Variants in SOX6 observed in about 807,000 individuals in gnomAD.
The protein encoded by SOX6 is transcription factor SOX-6.
SOX6 carries 11 observed loss-of-function variants against 97.8 expected under a neutral mutation model. The ratio of observed to expected loss-of-function variants is 0.11; its 90% CI spans 0.07 to 0.19. SOX6 has a LOEUF of 0.19. Among genes scored for constraint, SOX6 ranks in the 10% least tolerant of loss-of-function variants. The probability of loss-of-function intolerance (pLI) is 1.00; values close to 1 mark genes in which losing one functional copy is unlikely to be tolerated. For missense variants in SOX6, 810 were observed against 1,039.5 expected, an observed-to-expected ratio of 0.78 and a Z score of 3.04; for synonymous variants, 360 against 371.4, an observed-to-expected ratio of 0.97 and a Z score of 0.35.
At chr11:16,271,321 C>A (rs989372771) in intron 3 of SOX6, among the ~76,000 whole-genome samples, 1 of 151,226 alleles carries the variant, frequency 6.6e-6, no homozygotes, top group Non-Finnish European at 1.5e-5. Flanking sequence ...TGAATTTCTG[C>A]AATTTACTTT....
chr11:16,200,045 A>G (rs989904278), intron 4 of SOX6, among the ~76,000 whole-genome samples: 1 of 152,216 alleles, frequency 6.6e-6, no homozygotes, highest in Non-Finnish European at 1.5e-5. Context: ...GCCCAAAGAA[A>G]TGACTGTCCA....
At chr11:16,261,811 A>C in intron 3 of SOX6, among the ~76,000 whole-genome samples, 1 of 152,212 alleles carries the variant, frequency 6.6e-6, no homozygotes, top group East Asian at 1.9e-4. Flanking sequence ...ACCTGTATTC[A>C]TTTTCAACAT....
At chr11:16,457,314 CATGGAAATAGGAA>C (rs940794125) in intron 1 of SOX6, among the ~76,000 whole-genome samples, 8 of 151,986 alleles carry the variant, frequency 5.3e-5, no homozygotes, top group Admixed American at 5.3e-4. Context: ...CCTAATTTGC[CATGGAAATAGGAA>C]ATAAATGTGA....
rs1428295505 is a variant in SOX6, at chr11:16,217,602, T to C, written c.535+16980A>G. Among the ~76,000 whole-genome samples, 6 of 152,160 alleles carry C rather than the reference T, an allele frequency of 3.9e-5. No individual in the cohort carries two copies. The South Asian group carries it at 6.2e-4, about 16-fold the overall frequency. ...ACAATCACACTCCTATAAGTAACCA[T>C]ATAGTTTCTAGCCAACTTTAAAATC... is the stretch of plus-strand genomic sequence containing the variant. On this transcript the variant is annotated intron_variant, in intron 4 of 15. Transcript: ENST00000683767.
At chr11:16,567,743 T>TG (rs1296000643) in intron 4 of SOX6, among the ~76,000 whole-genome samples, 2 of 147,782 alleles carry the variant, frequency 1.4e-5, no homozygotes, top group Admixed American at 6.7e-5. Flanking sequence ...ATTTTTTTTT[T>TG]TTTTTGTATT....
At chr11:16,268,257 C>T (rs1344327724) in intron 3 of SOX6, among the ~76,000 whole-genome samples, 1 of 151,156 alleles carries the variant, frequency 6.6e-6, no homozygotes, top group Non-Finnish European at 1.5e-5. Flanking sequence ...AATCACTCCA[C>T]ATCATTTTCA....
rs1264526120 is a variant in SOX6 at position 16,136,349 on chromosome 11, T to G, written c.778-24426A>C. Among the ~76,000 whole-genome samples the G allele has an allele frequency of 4.7e-5, 7 of 147,820 alleles. No homozygotes were observed. In the East Asian group the frequency reaches 6.1e-4, roughly 13 times the overall value. ...ATGTACATTGTGTGTGTGTGGTTTT[T>G]TTTTTTTTTTTTTTGACATAATGCA... On this transcript the variant is annotated intron_variant, in intron 6 of 15. Transcript: ENST00000683767.
intron 4 of SOX6, among the ~76,000 whole-genome samples, chr11:16,213,714 T>C (rs1590034569): frequency 6.6e-6 from 1 of 152,210 alleles, no homozygotes; most frequent in East Asian, 1.9e-4. Context: ...CACAGGATTT[T>C]AATACATCTT....
chr11:16,272,172 G>C (rs1854278460), intron 3 of SOX6, among the ~76,000 whole-genome samples: 1 of 151,340 alleles, frequency 6.6e-6, no homozygotes. Flanking sequence ...TTGTGTTAAT[G>C]ATCAAAGTTT....
intron 4 of SOX6, among the ~76,000 whole-genome samples, chr11:16,226,038 T>C (rs1236259720): frequency 6.6e-6 from 1 of 152,172 alleles, no homozygotes; most frequent in Non-Finnish European, 1.5e-5. Context: ...TAACCAAACT[T>C]TTCAGACATA....
At chr11:16,095,973 A>G in intron 9 of SOX6, 23 bp downstream of exon 9, 1 of 1,610,132 alleles carries the variant, frequency 6.2e-7, no homozygotes, top group Non-Finnish European at 8.5e-7. Context: ...AACCCAATGA[A>G]GCATCAATGG....
At chr11:16,412,972 A>G (rs1858852486) in intron 1 of SOX6, among the ~76,000 whole-genome samples, 1 of 152,186 alleles carries the variant, frequency 6.6e-6, no homozygotes, top group Non-Finnish European at 1.5e-5. Flanking sequence ...AGGCAGTTCC[A>G]CCTCAACCAC....
intron 13 of SOX6, among the ~76,000 whole-genome samples, chr11:16,005,280 G>T (rs768605309): frequency 6.6e-6 from 1 of 151,682 alleles, no homozygotes; most frequent in South Asian, 2.1e-4. Context: ...GGTTCTCTAC[G>T]ATATAGACGA....
At chr11:16,721,518 C>CTG (rs1848262135) in intron 2 of SOX6, among the ~76,000 whole-genome samples, 1 of 63,626 alleles carries the variant, frequency 1.6e-5, no homozygotes, top group Admixed American at 1.5e-4. Context: ...CTCTCTCTCT[C>CTG]TCTCTCTCTC....
intron 4 of SOX6, among the ~76,000 whole-genome samples, chr11:16,498,896 TCAA>T (rs950744963): frequency 6.6e-6 from 1 of 152,104 alleles, no homozygotes; most frequent in Non-Finnish European, 1.5e-5. Flanking sequence ...ATTAGACAGA[TCAA>T]CGAGACAGAA....
At chr11:16,160,258 G>A (rs1850713804) in intron 6 of SOX6, among the ~76,000 whole-genome samples, 1 of 152,164 alleles carries the variant, frequency 6.6e-6, no homozygotes, top group Non-Finnish European at 1.5e-5. Flanking sequence ...AAGCCCTGAA[G>A]TCAGTGTCTA....
chr11:16,633,891 TA>T (rs1258487166), intron 3 of SOX6, among the ~76,000 whole-genome samples: 2 of 152,100 alleles, frequency 1.3e-5, no homozygotes, highest in Non-Finnish European at 2.9e-5. Context: ...CCTTATAAAA[TA>T]AAAACATCAG....
At chr11:16,623,344 G>A (rs987726992) in intron 3 of SOX6, among the ~76,000 whole-genome samples, 1 of 152,136 alleles carries the variant, frequency 6.6e-6, no homozygotes, top group East Asian at 1.9e-4. Context: ...TAATATGTTT[G>A]TTGGCCATTT....
intron 6 of SOX6, among the ~76,000 whole-genome samples, chr11:16,173,378 A>G (rs981832372): frequency 2.6e-5 from 4 of 151,806 alleles, no homozygotes. Context: ...CCATAGAAGA[A>G]GTAACCTAAG....
Sources: allele counts gnomAD v4.1 joint callset (sites outside exome capture counted in the v4.1 genomes callset), GRCh38; gene constraint gnomAD v4.1.1; transcripts MANE v1.5; gene names NCBI Gene and HGNC (gene_info 2026-07-23, HGNC 2026-07-21).